AGBL4: variants seen among roughly 807,000 people sequenced by gnomAD.
AGBL4 encodes the protein AGBL carboxypeptidase 4, also known as cytosolic carboxypeptidase 6.
Under a neutral mutation model 66.4 loss-of-function variants are expected in AGBL4, and 58 were observed. The observed-to-expected ratio is 0.87, with a 90% CI of 0.71 to 1.09. The LOEUF (loss-of-function observed/expected upper bound fraction) is 1.09, where lower values mean the gene tolerates loss of function less well. AGBL4 is among the 50% of genes least tolerant of loss of function. The pLI, the probability that AGBL4 is intolerant of heterozygous loss-of-function variation, is 0.00. For missense variants in AGBL4, 579 were observed against 631.0 expected (o/e 0.92, Z 0.88); for synonymous variants, 234 against 222.9 (o/e 1.05, Z -0.44).
rs1199065557 is a variant in AGBL4 at position 48,663,173 on chromosome 1, G to T, written c.703C>A (p.Pro235Thr). The T allele has an allele frequency of 6.2e-7, 1 of 1,613,928 alleles. No individual in the cohort carries two copies. Among genetic ancestry groups the T allele is most frequent in the South Asian group, 1.1e-5 (1 of 91,076 alleles). ...ITGRVHPGET[P>T]SSFVCQGIID... ...TCACCTTGGCACACAAATGATGAGG[G>T]TGTTTCCCCTGGGTGGACTCGTCCT... is the stretch of plus-strand genomic sequence containing the variant. Residue 235 changes from proline (P) to threonine (T), a missense_variant, in exon 7 of 14, where the codon CCC (proline) becomes ACC (threonine). Physicochemically the swap from Pro to Thr is conservative, Grantham distance 38. Transcript: ENST00000371839.
At chr1:48,604,221 C>G (rs1467282191) in intron 9 of AGBL4, among the ~76,000 whole-genome samples, 1 of 152,110 alleles carries the variant, frequency 6.6e-6, no homozygotes, top group Non-Finnish European at 1.5e-5. Flanking sequence ...AGACCCACTA[C>G]AAAGCAAGAT....
chr1:49,198,200 T>C (rs1218972325), intron 4 of AGBL4, among the ~76,000 whole-genome samples: 1 of 152,122 alleles, frequency 6.6e-6, no homozygotes, highest in African/African-American at 2.4e-5. Flanking sequence ...TCACTCGCAG[T>C]TTTCTGCTGG....
At chr1:49,545,428 C>A (rs931686977) in intron 3 of AGBL4, among the ~76,000 whole-genome samples, 1 of 152,222 alleles carries the variant, frequency 6.6e-6, no homozygotes, top group African/African-American at 2.4e-5. Context: ...GCCTATATTT[C>A]ATTGCAGACT....
chr1:49,211,685 G>T (rs958839749), intron 4 of AGBL4, among the ~76,000 whole-genome samples: 31 of 151,924 alleles, frequency 2.0e-4, no homozygotes, highest in Non-Finnish European at 2.9e-5. Context: ...CAGTGTAGTA[G>T]GGCAGACAGA....
chr1:48,681,593 C>T (rs949836497), intron 6 of AGBL4, among the ~76,000 whole-genome samples: 3 of 152,228 alleles, frequency 2.0e-5, no homozygotes, highest in Admixed American at 6.5e-5. Flanking sequence ...AAGCCAGGGT[C>T]GAGTTAACCT....
At chr1:49,564,899 C>T (rs1267595182) in intron 3 of AGBL4, among the ~76,000 whole-genome samples, 3 of 152,140 alleles carry the variant, frequency 2.0e-5, no homozygotes, top group South Asian at 2.1e-4. Context: ...CTAATGTTGA[C>T]AGTGGGGTGT....
chr1:49,799,240 T>A (rs374940354), intron 2 of AGBL4, among the ~76,000 whole-genome samples: 2 of 152,098 alleles, frequency 1.3e-5, no homozygotes, highest in African/African-American at 4.8e-5. Flanking sequence ...TACTTCACTA[T>A]GGGAAAATAA....
intron 3 of AGBL4, among the ~76,000 whole-genome samples, chr1:49,608,537 A>G (rs1038688401): frequency 6.6e-6 from 1 of 152,152 alleles, no homozygotes; most frequent in African/African-American, 2.4e-5. Context: ...TTAATCCTAC[A>G]AATTGCCTTA....
intron 2 of AGBL4, among the ~76,000 whole-genome samples, chr1:49,749,445 C>T (rs1220772121): frequency 2.0e-5 from 3 of 152,090 alleles, no homozygotes; most frequent in Non-Finnish European, 4.4e-5. Context: ...GGAAATAATA[C>T]TAAAACTTTC....
intron 5 of AGBL4, among the ~76,000 whole-genome samples, chr1:49,027,609 C>A (rs750872413): frequency 1.3e-5 from 2 of 152,138 alleles, no homozygotes; most frequent in African/African-American, 4.8e-5. Context: ...TCTCTACCTA[C>A]TTCCTAGTCT....
intron 4 of AGBL4, among the ~76,000 whole-genome samples, chr1:49,078,234 G>A (rs1255700447): frequency 6.6e-6 from 1 of 152,110 alleles, no homozygotes; most frequent in Non-Finnish European, 1.5e-5. Context: ...GCTCCTGAAA[G>A]GCCTAGAATA....
rs141849050 is a variant in AGBL4 at position 48,614,212 on chromosome 1, A to C, written c.951+20281T>G. On this transcript the variant is annotated intron_variant, in intron 9 of 13. Transcript: ENST00000371839. ...TTGGCATCAACTAAAATACACATTC[A>C]CCCAGAAGCACCTTGTTCAGAAATG... Among the ~76,000 whole-genome samples the C allele has an allele frequency of 9.8e-5, 15 of 152,308 alleles. No individual in the cohort carries two copies. In the East Asian group the frequency reaches 2.9e-3, roughly 29 times the overall value.
intron 3 of AGBL4, among the ~76,000 whole-genome samples, chr1:49,342,413 AG>A (rs1397994492): frequency 1.3e-5 from 2 of 152,156 alleles, no homozygotes; most frequent in Non-Finnish European, 2.9e-5. Context: ...GTCAGTTAAA[AG>A]CTTTGCTGCA....
chr1:49,060,695 G>T (rs745519604), intron 4 of AGBL4, among the ~76,000 whole-genome samples: 1 of 152,096 alleles, frequency 6.6e-6, no homozygotes. Context: ...TATAAACAAG[G>T]TTGAGTGTGC....
chr1:48,653,435 A>G lies in AGBL4; in HGVS notation c.741T>C (p.Leu247=). 1 of 1,579,466 alleles carries G rather than the reference A, an allele frequency of 6.3e-7. No individual in the cohort carries two copies. The highest frequency in any genetic ancestry group is 2.3e-5 in the East Asian group (1 of 43,430). The change falls in exon 8 of 14, where the codon CTT becomes CTC. Residue 247 remains leucine (L), a synonymous_variant. Transcript: ENST00000371839. The part of the protein sequence containing the change: ...SFVCQGIIDF[L]VSQHPIACVL... ...CACAGGCAATAGGGTGCTGGCTTAC[A>G]AGGAAGTCAATGATCCCTAGGGAAA...
chr1:48,699,464 T>C (rs755068139), intron 6 of AGBL4, among the ~76,000 whole-genome samples: 13 of 152,202 alleles, frequency 8.5e-5, no homozygotes, highest in Non-Finnish European at 1.6e-4. Context: ...TCAGCCCACC[T>C]CATGCAACCT....
chr1:49,879,288 G>C (rs1169962414), intron 1 of AGBL4, among the ~76,000 whole-genome samples: 1 of 151,466 alleles, frequency 6.6e-6, no homozygotes, highest in Non-Finnish European at 1.5e-5. Context: ...TGATTTTGCA[G>C]TGGCTGGTAC....
intron 3 of AGBL4, among the ~76,000 whole-genome samples, chr1:49,452,854 C>T (rs1002675392): frequency 6.6e-6 from 1 of 151,850 alleles, no homozygotes; most frequent in African/African-American, 2.4e-5. Context: ...AGTGTCTTTT[C>T]TGTGTGAGGC....
At chr1:49,309,250 T>C (rs1480129616) in intron 3 of AGBL4, among the ~76,000 whole-genome samples, 2 of 152,100 alleles carry the variant, frequency 1.3e-5, no homozygotes, top group African/African-American at 4.8e-5. Context: ...GATTATTGTA[T>C]TTTTTAAGAT....
Sources: gnomAD v4.1 joint callset for allele counts (sites outside exome capture counted in the v4.1 genomes callset) on GRCh38, gnomAD v4.1.1 for gene constraint, MANE v1.5 for transcripts, NCBI Gene and HGNC (gene_info 2026-07-23, HGNC 2026-07-21) for gene names.